Variants in THEMIS observed in about 807,000 individuals in gnomAD.
The protein encoded by THEMIS is protein THEMIS.
In THEMIS, 37 loss-of-function variants were observed where a neutral mutation model predicts 52.6. The observed-to-expected ratio is 0.70, with a 90% confidence interval of 0.54 to 0.93. THEMIS has a LOEUF of 0.93. Ranked by LOEUF, THEMIS falls within the 40% of genes least tolerant of loss-of-function variation. The pLI is 0.00. For missense variants in THEMIS, 808 were observed against 763.1 expected (o/e 1.06, Z -0.69); for synonymous variants, 292 against 272.7 (o/e 1.07, Z -0.70).
chr6:127,711,806 G>C (rs1271740055), intron 5 of THEMIS, among the ~76,000 whole-genome samples: 1 of 151,910 alleles, frequency 6.6e-6, no homozygotes, highest in African/African-American at 2.4e-5. Context: ...TAGGGAGCAG[G>C]GGGATGGGAT....
At chr6:127,903,840 T>C (rs1781205934), upstream of THEMIS, among the ~76,000 whole-genome samples, 3 of 152,052 alleles carry the variant, frequency 2.0e-5, no homozygotes. Context: ...CTTCTATTTC[T>C]GGCTATGAGC....
upstream of THEMIS, among the ~76,000 whole-genome samples, chr6:127,905,318 C>A (rs1344822321): frequency 6.6e-6 from 1 of 151,906 alleles, no homozygotes; most frequent in Non-Finnish European, 1.5e-5. Context: ...TAACAAAAAC[C>A]AATAAGGGTA....
chr6:127,741,677 C>A (rs1263557504), intron 4 of THEMIS, among the ~76,000 whole-genome samples: 1 of 152,198 alleles, frequency 6.6e-6, no homozygotes, highest in African/African-American at 2.4e-5. Flanking sequence ...AAATCCTTTG[C>A]TGCATCAGCT....
intron 4 of THEMIS, among the ~76,000 whole-genome samples, chr6:127,812,252 G>T (rs1777932929): frequency 6.6e-6 from 1 of 152,254 alleles, no homozygotes; most frequent in Non-Finnish European, 1.5e-5. Context: ...CTTTAGAGTG[G>T]TTATGGAGTT....
At chr6:127,863,985 C>T (rs1344482493) in intron 1 of THEMIS, among the ~76,000 whole-genome samples, 1 of 152,018 alleles carries the variant, frequency 6.6e-6, no homozygotes, top group African/African-American at 2.4e-5. Flanking sequence ...CCATTAAAGC[C>T]AAGACATAAG....
chr6:127,822,467 A>G lies in THEMIS; in HGVS notation c.709+7009T>C, dbSNP rs9375536. ...TCTGTAACTCTTAGAAAAAATAATC[A>G]TAATCCTCACTGAGAAACTGAGAGT... On this transcript the variant is annotated intron_variant, in intron 3 of 5. Coordinates refer to ENST00000368248, the MANE Select transcript of THEMIS (RefSeq NM_001010923.3). Among the ~76,000 whole-genome samples the G allele has an allele frequency of 1.3e-3, 204 of 152,256 alleles. 5 individuals carry two copies. In the East Asian group the frequency reaches 0.034, roughly 25 times the overall value.
chr6:127,780,282 C>A (rs1776700456), intron 4 of THEMIS, among the ~76,000 whole-genome samples: 1 of 152,056 alleles, frequency 6.6e-6, no homozygotes, highest in South Asian at 2.1e-4. Context: ...TTATTTTGAG[C>A]CCATGTGTCT....
At chr6:127,847,181 T>G (rs772006598) in intron 2 of THEMIS, among the ~76,000 whole-genome samples, 22 of 151,936 alleles carry the variant, frequency 1.4e-4, no homozygotes, top group Admixed American at 1.2e-3. Context: ...AACATCATAC[T>G]GAATGGGGAA....
At chr6:127,758,684 T>C (rs1309828966) in intron 4 of THEMIS, among the ~76,000 whole-genome samples, 1 of 151,954 alleles carries the variant, frequency 6.6e-6, no homozygotes, top group Non-Finnish European at 1.5e-5. Flanking sequence ...TGTATGCATA[T>C]CAAGATTTCT....
At chr6:127,870,140 C>A (rs1430702229) in intron 1 of THEMIS, among the ~76,000 whole-genome samples, 1 of 152,236 alleles carries the variant, frequency 6.6e-6, no homozygotes, top group Non-Finnish European at 1.5e-5. Flanking sequence ...CTCCTTCCCA[C>A]TGAGGTGATG....
intron 1 of THEMIS, among the ~76,000 whole-genome samples, chr6:127,876,250 G>A (rs1035184491): frequency 6.6e-6 from 1 of 152,142 alleles, no homozygotes; most frequent in Non-Finnish European, 1.5e-5. Context: ...ATATCAAAAT[G>A]ATCCACCAGC....
At chr6:127,907,448 A>G (rs979557712) in intron 1 of THEMIS, among the ~76,000 whole-genome samples, 1 of 145,884 alleles carries the variant, frequency 6.9e-6, no homozygotes, top group African/African-American at 2.5e-5. Flanking sequence ...TTCAAGTGCA[A>G]TGGAAGAGAC....
chr6:127,792,677 C>G (rs776172770), intron 4 of THEMIS, among the ~76,000 whole-genome samples: 5 of 152,136 alleles, frequency 3.3e-5, no homozygotes, highest in Non-Finnish European at 7.4e-5. Context: ...ACAGGCCACT[C>G]TCCCCAAAAC....
At chr6:127,730,308 A>G (rs202204866) in intron 4 of THEMIS, among the ~76,000 whole-genome samples, 8 of 142,860 alleles carry the variant, frequency 5.6e-5, no homozygotes, top group Non-Finnish European at 8.9e-5. Flanking sequence ...AAAGAAAAGA[A>G]AAGAAAAGAG....
At chr6:127,780,013 A>G (rs1057113611) in intron 4 of THEMIS, among the ~76,000 whole-genome samples, 11 of 152,032 alleles carry the variant, frequency 7.2e-5, no homozygotes, top group African/African-American at 2.7e-4. Context: ...AAGTCTCCCA[A>G]TATTATTGTG....
At chr6:127,869,466 A>G (rs1413928803) in intron 1 of THEMIS, among the ~76,000 whole-genome samples, 1 of 152,156 alleles carries the variant, frequency 6.6e-6, no homozygotes, top group Admixed American at 6.6e-5. Flanking sequence ...ATATTGTGGG[A>G]CCAGGAGAAG....
At chr6:127,849,330 C>G (rs982494244) in intron 2 of THEMIS, among the ~76,000 whole-genome samples, 2 of 151,932 alleles carry the variant, frequency 1.3e-5, no homozygotes, top group African/African-American at 4.8e-5. Flanking sequence ...TTACTGTAGC[C>G]TTGTAGTATA....
At chr6:127,750,998 T>G (rs1191450239) in intron 4 of THEMIS, among the ~76,000 whole-genome samples, 2 of 151,744 alleles carry the variant, frequency 1.3e-5, no homozygotes, top group African/African-American at 2.4e-5. Flanking sequence ...GAAAGAATGC[T>G]AATTAGCAAC....
At chr6:127,748,353 G>A (rs1298239940) in intron 4 of THEMIS, among the ~76,000 whole-genome samples, 3 of 152,012 alleles carry the variant, frequency 2.0e-5, no homozygotes, top group Non-Finnish European at 4.4e-5. Context: ...TGGAGAAGAA[G>A]TGGAAAGGGG....
Sources: gnomAD v4.1 joint callset for allele counts (sites outside exome capture counted in the v4.1 genomes callset) on GRCh38, gnomAD v4.1.1 for gene constraint, MANE v1.5 for transcripts, NCBI Gene and HGNC (gene_info 2026-07-23, HGNC 2026-07-21) for gene names.